LINGO2: variants seen among roughly 807,000 people sequenced by gnomAD.
LINGO2 encodes the protein leucine-rich repeat and immunoglobulin-like domain-containing nogo receptor-interacting protein 2.
In LINGO2, 14 loss-of-function variants were observed where a neutral mutation model predicts 30.6. That is an observed-to-expected ratio of 0.46 (90% CI 0.30 to 0.72). LINGO2 has a LOEUF of 0.72. Ranked by LOEUF, LINGO2 falls within the 30% of genes least tolerant of loss-of-function variation. The pLI is 0.07. For missense variants in LINGO2, 729 were observed against 751.7 expected, an observed-to-expected ratio of 0.97 and a Z score of 0.35; for synonymous variants, 317 against 288.5, an observed-to-expected ratio of 1.10 and a Z score of -1.00.
chr9:28,895,878 G>C, the LINGO2 span, among the ~76,000 whole-genome samples: 10 of 152,000 alleles, frequency 6.6e-5, no homozygotes, highest in Non-Finnish European at 4.4e-5. Context: ...TTAGATGATT[G>C]TCGGTCATCT....
intron 4 of LINGO2, among the ~76,000 whole-genome samples, chr9:28,237,121 G>GC (rs574426430): frequency 3.5e-4 from 50 of 141,270 alleles, no homozygotes; most frequent in African/African-American, 1.2e-3. Flanking sequence ...ACAGTGCGGG[G>GC]GGGGGGTAAA....
intron 1 of LINGO2, among the ~76,000 whole-genome samples, chr9:28,649,855 G>T (rs1051418960): frequency 1.3e-5 from 2 of 152,094 alleles, no homozygotes; most frequent in African/African-American, 2.4e-5. Flanking sequence ...AAAAACCAAA[G>T]AGAGAGTGCA....
chr9:28,694,650 G>C, the LINGO2 span, among the ~76,000 whole-genome samples: 66 of 152,032 alleles, frequency 4.3e-4, no homozygotes, highest in African/African-American at 1.6e-3. Flanking sequence ...GGCACAAGAA[G>C]TTAAATAACT....
chr9:28,439,959 A>C (rs1432919573), intron 2 of LINGO2, among the ~76,000 whole-genome samples: 1 of 151,976 alleles, frequency 6.6e-6, no homozygotes, highest in Non-Finnish European at 1.5e-5. Context: ...ATTGAGTATA[A>C]CTTGATGTGT....
the LINGO2 span, among the ~76,000 whole-genome samples, chr9:29,111,224 C>T: frequency 3.3e-5 from 5 of 152,068 alleles, no homozygotes; most frequent in South Asian, 2.1e-4. Context: ...GTTCTGTTGA[C>T]ACAGTCACCA....
the LINGO2 span, among the ~76,000 whole-genome samples, chr9:29,060,979 A>T: frequency 6.6e-6 from 1 of 152,014 alleles, no homozygotes; most frequent in Non-Finnish European, 1.5e-5. Context: ...TGAAGAAATA[A>T]TGGCTGAAAA....
At chr9:28,732,408 C>T in the LINGO2 span, among the ~76,000 whole-genome samples, 1 of 149,618 alleles carries the variant, frequency 6.7e-6, no homozygotes, top group African/African-American at 2.5e-5. Flanking sequence ...CAATAAAAAA[C>T]TTAAAACCAC....
intron 1 of LINGO2, among the ~76,000 whole-genome samples, chr9:28,527,803 C>T (rs779269035): frequency 1.3e-5 from 2 of 152,036 alleles, no homozygotes; most frequent in East Asian, 1.9e-4. Context: ...TTGTTTTTTC[C>T]GATATCTCTA....
the LINGO2 span, among the ~76,000 whole-genome samples, chr9:28,994,649 T>C: frequency 6.6e-5 from 10 of 151,638 alleles, no homozygotes; most frequent in East Asian, 3.9e-4. Flanking sequence ...CAAAACAGCA[T>C]GGTACTGGTA....
the LINGO2 span, among the ~76,000 whole-genome samples, chr9:28,779,098 T>C: frequency 1.3e-5 from 2 of 152,198 alleles, no homozygotes; most frequent in African/African-American, 4.8e-5. Context: ...GCCAGTGGCA[T>C]CTGTTGTATA....
the LINGO2 span, among the ~76,000 whole-genome samples, chr9:29,051,628 G>A: frequency 1.4e-4 from 22 of 152,014 alleles, no homozygotes; most frequent in African/African-American, 4.1e-4. Flanking sequence ...TTCCTTGTTT[G>A]TTTTTTGGAT....
At chr9:29,160,130 G>C in the LINGO2 span, among the ~76,000 whole-genome samples, 1 of 152,186 alleles carries the variant, frequency 6.6e-6, no homozygotes, top group African/African-American at 2.4e-5. Context: ...CCCACCTCTA[G>C]AGTTCCTGCT....
chr9:28,661,919 C>T (rs1828600327), intron 1 of LINGO2, among the ~76,000 whole-genome samples: 1 of 152,118 alleles, frequency 6.6e-6, no homozygotes, highest in South Asian at 2.1e-4. Flanking sequence ...TTAACAAAGT[C>T]ATCAAGGTAC....
the LINGO2 span, among the ~76,000 whole-genome samples, chr9:28,695,843 A>C: frequency 6.6e-6 from 1 of 151,818 alleles, no homozygotes; most frequent in South Asian, 2.1e-4. Flanking sequence ...ACAAAGATAA[A>C]AGCATAACTT....
At chr9:28,942,222 G>C in the LINGO2 span, among the ~76,000 whole-genome samples, 15 of 152,294 alleles carry the variant, frequency 9.8e-5, no homozygotes, top group African/African-American at 3.6e-4. Flanking sequence ...AGACTGTACA[G>C]GAAACCTCAA....
chr9:27,993,014 C>T (rs553870474), intron 5 of LINGO2, among the ~76,000 whole-genome samples: 1 of 152,168 alleles, frequency 6.6e-6, no homozygotes, highest in Admixed American at 6.5e-5. Context: ...GATGGGAAAT[C>T]AACTGTAGAA....
the LINGO2 span, among the ~76,000 whole-genome samples, chr9:28,815,659 T>C: frequency 1.3e-5 from 2 of 152,210 alleles, no homozygotes; most frequent in Non-Finnish European, 2.9e-5. Context: ...CTAGTACCAA[T>C]ACAACAAAAA....
chr9:29,177,172 G>GT, the LINGO2 span, among the ~76,000 whole-genome samples: 1 of 152,130 alleles, frequency 6.6e-6, no homozygotes, highest in African/African-American at 2.4e-5. Context: ...ATGTGATGTA[G>GT]TAAGTGTAGC....
intron 2 of LINGO2, among the ~76,000 whole-genome samples, chr9:28,451,750 T>C (rs546809569): frequency 3.3e-5 from 5 of 151,862 alleles, no homozygotes; most frequent in African/African-American, 1.2e-4. Flanking sequence ...GTGTTATATC[T>C]GATATTATAA....
Sources: allele counts gnomAD v4.1 joint callset (sites outside exome capture counted in the v4.1 genomes callset), GRCh38; gene constraint gnomAD v4.1.1; transcripts MANE v1.5; gene names NCBI Gene and HGNC (gene_info 2026-07-23, HGNC 2026-07-21).